Variants in SORCS3 observed in about 807,000 individuals in gnomAD.
SORCS3 encodes sortilin related VPS10 domain containing receptor 3, also known as VPS10 domain-containing receptor SorCS3.
SORCS3 carries 57 observed loss-of-function variants against 146.3 expected under a neutral mutation model. The ratio of observed to expected loss-of-function variants is 0.39; its 90% CI spans 0.31 to 0.49. The LOEUF is 0.49. Among genes scored for constraint, SORCS3 ranks in the 20% least tolerant of loss-of-function variants. SORCS3 has a pLI of 0.92. For synonymous variants in SORCS3, 653 were observed against 618.5 expected, an observed-to-expected ratio of 1.06 and a Z score of -0.83; for missense variants, 1,341 against 1,575.5, an observed-to-expected ratio of 0.85 and a Z score of 2.52.
At chr10:105,053,437 A>G (rs1355117559) in intron 5 of SORCS3, among the ~76,000 whole-genome samples, 1 of 149,044 alleles carries the variant, frequency 6.7e-6, no homozygotes, top group Non-Finnish European at 1.5e-5. Context: ...CACACTAGCC[A>G]TTTTTTTTTT....
chr10:105,041,661 T>C (rs188332605), intron 4 of SORCS3, among the ~76,000 whole-genome samples: 21 of 152,216 alleles, frequency 1.4e-4, no homozygotes, highest in African/African-American at 4.6e-4. Context: ...TTTTTGAGAT[T>C]ACCGGAAGTT....
chr10:105,154,005 G>A (rs1162651118), intron 9 of SORCS3, among the ~76,000 whole-genome samples: 1 of 140,954 alleles, frequency 7.1e-6, no homozygotes, highest in Non-Finnish European at 1.5e-5. Context: ...AGGAGGCAGA[G>A]GTTGCAATGA....
intron 6 of SORCS3, among the ~76,000 whole-genome samples, chr10:105,103,668 G>T (rs1019142853): frequency 4.6e-5 from 7 of 152,186 alleles, no homozygotes; most frequent in Non-Finnish European, 7.3e-5. Flanking sequence ...AAGTTTAGAG[G>T]CTGGAGCTAC....
Position 104,641,753 on chromosome 10 carries a change from C to T in SORCS3, c.426C>T (p.Arg142=), listed in dbSNP as rs1428540819. ...CGCAGCCCCCAATCACCCAGGAACG[C>T]GGGGACGCCTGGGCCACTGCTCCGG... The part of the protein sequence containing the change: ...RRAQPPITQE[R]GDAWATAPAD... Residue 142 remains arginine (R), a synonymous_variant, in exon 1 of 27, where the codon CGC becomes CGT. Transcript: ENST00000369701. The surrounding 1 kb of genome is among the most constrained non-coding windows in gnomAD (Gnocchi z 6.4). 6.5e-7 allele frequency: 1 copy of T among 1,546,072 alleles called. No homozygotes were observed. The highest frequency in any genetic ancestry group is 8.7e-7 in the Non-Finnish European group (1 of 1,145,780).
At chr10:104,771,949 G>A (rs558961938) in intron 1 of SORCS3, among the ~76,000 whole-genome samples, 1 of 152,162 alleles carries the variant, frequency 6.6e-6, no homozygotes, top group African/African-American at 2.4e-5. Flanking sequence ...TTTCCAATTG[G>A]CCTCCTTGAA....
chr10:104,940,489 G>A (rs781647868), intron 3 of SORCS3, among the ~76,000 whole-genome samples: 131 of 143,988 alleles, frequency 9.1e-4, no homozygotes, highest in Non-Finnish European at 6.3e-4. Flanking sequence ...GACAACATGC[G>A]GCGTTCGCTT....
chr10:104,977,207 A>T (rs1189533221), intron 3 of SORCS3, 128 bp from the exon 4 acceptor site: 4 of 611,622 alleles, frequency 6.5e-6, no homozygotes, highest in Non-Finnish European at 9.7e-6. Context: ...AGTATTTTTT[A>T]CAGAGGCCCA....
chr10:104,711,419 C>T (rs146102296), intron 1 of SORCS3, among the ~76,000 whole-genome samples: 1 of 152,324 alleles, frequency 6.6e-6, no homozygotes, highest in East Asian at 1.9e-4. Flanking sequence ...CTTATCTTTA[C>T]ATGAGAAAAC....
intron 6 of SORCS3, among the ~76,000 whole-genome samples, chr10:105,103,900 C>G (rs1446307008): frequency 6.6e-6 from 1 of 152,064 alleles, no homozygotes; most frequent in African/African-American, 2.4e-5. Context: ...TGAGTAAACC[C>G]CTTCCTAGAC....
chr10:104,657,214 C>T (rs1048845768), intron 1 of SORCS3, among the ~76,000 whole-genome samples: 3 of 152,124 alleles, frequency 2.0e-5, no homozygotes, highest in Non-Finnish European at 2.9e-5. Flanking sequence ...GCCAAGCCCA[C>T]GCTAGATCAG....
At chr10:105,089,921 T>C in intron 6 of SORCS3, 82 bp downstream of exon 6, 2 of 1,119,760 alleles carry the variant, frequency 1.8e-6, no homozygotes, top group South Asian at 1.3e-5. Flanking sequence ...TTTTAATATC[T>C]TGGGAAGATG....
intron 25 of SORCS3, among the ~76,000 whole-genome samples, chr10:105,261,443 C>G (rs2056959874): frequency 6.6e-6 from 1 of 152,170 alleles, no homozygotes; most frequent in East Asian, 1.9e-4. Context: ...GGGAGCTTGG[C>G]AGAATTGCAG....
At chr10:104,757,071 T>G (rs1321710473) in intron 1 of SORCS3, among the ~76,000 whole-genome samples, 2 of 148,030 alleles carry the variant, frequency 1.4e-5, no homozygotes, top group East Asian at 2.0e-4. Context: ...TAAGGGTTTT[T>G]TTTTTTTTTT....
intron 3 of SORCS3, among the ~76,000 whole-genome samples, chr10:104,957,783 C>G (rs1354008848): frequency 6.6e-6 from 1 of 152,060 alleles, no homozygotes; most frequent in African/African-American, 2.4e-5. Flanking sequence ...GTCTGGGGAC[C>G]ACCTGGCATG....
At chr10:104,824,863 T>C (rs1465917481) in intron 1 of SORCS3, among the ~76,000 whole-genome samples, 2 of 152,018 alleles carry the variant, frequency 1.3e-5, no homozygotes, top group African/African-American at 2.4e-5. Context: ...TGACAGAAGC[T>C]CCAGAAGAAA....
intron 1 of SORCS3, among the ~76,000 whole-genome samples, chr10:104,743,262 T>C (rs908488768): frequency 4.6e-5 from 7 of 152,202 alleles, no homozygotes; most frequent in African/African-American, 1.7e-4. Flanking sequence ...ATCTGTAGAC[T>C]AGAGCAACCA....
At chr10:105,050,420 A>G (rs1383847830) in intron 5 of SORCS3, among the ~76,000 whole-genome samples, 2 of 152,110 alleles carry the variant, frequency 1.3e-5, no homozygotes, top group Non-Finnish European at 2.9e-5. Flanking sequence ...CCTTATTGAG[A>G]GCCCCATGTG....
chr10:104,751,490 C>A (rs2016982603), intron 1 of SORCS3, among the ~76,000 whole-genome samples: 1 of 152,098 alleles, frequency 6.6e-6, no homozygotes, highest in African/African-American at 2.4e-5. Context: ...CCAGATGAAA[C>A]AAAACTTGAT....
intron 7 of SORCS3, among the ~76,000 whole-genome samples, chr10:105,118,871 A>T (rs947992433): frequency 1.3e-5 from 2 of 152,222 alleles, no homozygotes; most frequent in Non-Finnish European, 2.9e-5. Context: ...AGATCATAAA[A>T]GTCTGGAAAA....
Sources: allele counts gnomAD v4.1 joint callset (sites outside exome capture counted in the v4.1 genomes callset), GRCh38; gene constraint gnomAD v4.1.1; non-coding constraint Gnocchi (gnomAD v3.1); transcripts MANE v1.5; gene names NCBI Gene and HGNC (gene_info 2026-07-23, HGNC 2026-07-21).